Variants in MLLT3 observed in about 807,000 individuals in gnomAD.
MLLT3 encodes the protein protein AF-9.
A neutral mutation model predicts 53.2 loss-of-function variants in MLLT3; 4 were observed. That is an observed-to-expected ratio of 0.08 (90% CI 0.04 to 0.17). The LOEUF (loss-of-function observed/expected upper bound fraction) is 0.17. MLLT3 is among the 10% of genes least tolerant of loss of function. The probability of loss-of-function intolerance (pLI) is 1.00; values close to 1 mark genes in which losing one functional copy is unlikely to be tolerated. For synonymous variants in MLLT3, 283 were observed against 230.6 expected (o/e 1.23, Z -2.06); for missense variants, 569 against 684.0 (o/e 0.83, Z 1.87).
At chr9:20,565,987 T>G (rs1234211373) in intron 2 of MLLT3, among the ~76,000 whole-genome samples, 1 of 112,358 alleles carries the variant, frequency 8.9e-6, no homozygotes, top group Non-Finnish European at 1.8e-5. Flanking sequence ...TATATATTTA[T>G]TTATATATTT....
chr9:20,601,649 ATTGAGT>A (rs1820423660), intron 2 of MLLT3, among the ~76,000 whole-genome samples: 5 of 152,244 alleles, frequency 3.3e-5, no homozygotes, highest in Admixed American at 3.3e-4. Flanking sequence ...TGAGTACAAT[ATTGAGT>A]GTCCTGAAAG....
At chr9:20,374,508 G>C (rs1821702299) in intron 5 of MLLT3, among the ~76,000 whole-genome samples, 1 of 152,116 alleles carries the variant, frequency 6.6e-6, no homozygotes, top group African/African-American at 2.4e-5. Context: ...CCAATAAAAG[G>C]TAAGGCCAAA....
rs1820818088 is a variant in MLLT3, at chr9:20,344,556, A to G, written c.*1887T>C. ...AGTGGACAATACAACAAATGCTTCA[A>G]GTACGGTTCATGCCAATCGTCATTA... is the stretch of plus-strand genomic sequence containing the variant. On this transcript the variant is annotated 3_prime_UTR_variant, in exon 11 of 11. Coordinates refer to ENST00000380338, the MANE Select transcript of MLLT3 (RefSeq NM_004529.4). 1.4e-5 allele frequency: 3 copies of G among 215,854 alleles called. No individual in the cohort carries two copies. In the East Asian group the frequency reaches 2.1e-4, roughly 15 times the overall value. The allele number at this position is 215,854 out of a possible 1,614,324, so 13.4% of individuals were successfully genotyped here.
chr9:20,496,353 C>T (rs1825079639), intron 2 of MLLT3, among the ~76,000 whole-genome samples: 1 of 152,126 alleles, frequency 6.6e-6, no homozygotes, highest in African/African-American at 2.4e-5. Context: ...ACAGGGGATG[C>T]AGTCTCCCCA....
Position 20,622,156 on chromosome 9 carries a change from G to C in MLLT3, c.12+89C>G, listed in dbSNP as rs575873911. 5.0e-6 allele frequency: 7 copies of C among 1,406,620 alleles called. No homozygotes were observed. In the African/African-American group the frequency reaches 7.1e-5, roughly 14 times the overall value. The allele number at this position is 1,406,620 out of a possible 1,614,324, so 87.1% of individuals were successfully genotyped here. A position where few individuals can be genotyped will look rare whatever the true frequency, so the allele number is the denominator to read the frequency against. On this transcript the variant is annotated intron_variant, in intron 1 of 10. Transcript: ENST00000380338. ...CCAACCTTTCTCTAATTGGAACCGC[G>C]GAGCGCTGGCGCTGTCTGGGCTGCG...
intron 4 of MLLT3, among the ~76,000 whole-genome samples, chr9:20,428,769 G>A (rs1426982818): frequency 6.6e-6 from 1 of 151,916 alleles, no homozygotes; most frequent in Non-Finnish European, 1.5e-5. Context: ...ACAAAGGAGA[G>A]AAAGCGTAAA....
In MLLT3 at chr9:20,621,939, G is replaced by C. The variant is rs1009121599; in HGVS notation, c.12+306C>G. On this transcript the variant is annotated intron_variant, in intron 1 of 10. Coordinates refer to ENST00000380338, the MANE Select transcript of MLLT3 (RefSeq NM_004529.4). This position sits in a 1 kb window ranked among gnomAD's most constrained non-coding sequence, Gnocchi z 7.0. ...TGTGTGTGAGTGCGCGCGTGTGAGC[G>C]AGAGGGAGTGTGTGAGTGCGCTTCT... The C allele has an allele frequency of 1.4e-6, 2 of 1,388,424 alleles. No homozygotes were observed. Among genetic ancestry groups the C allele is most frequent in the Admixed American group, 3.4e-5 (1 of 29,124 alleles). The allele number at this position is 1,388,424 out of a possible 1,614,324, so 86.0% of individuals were successfully genotyped here.
intron 4 of MLLT3, among the ~76,000 whole-genome samples, chr9:20,430,262 G>C (rs966600957): frequency 3.9e-5 from 6 of 152,092 alleles, no homozygotes; most frequent in African/African-American, 1.2e-4. Flanking sequence ...CAGATTCAAT[G>C]TAATTTCAAT....
intron 2 of MLLT3, among the ~76,000 whole-genome samples, chr9:20,569,711 A>T (rs149258893): frequency 6.6e-6 from 1 of 152,168 alleles, no homozygotes; most frequent in African/African-American, 2.4e-5. Flanking sequence ...TGAAGAGACC[A>T]TTCCAAATCC....
chr9:20,422,661 T>A (rs141948118), intron 4 of MLLT3, among the ~76,000 whole-genome samples: 1 of 152,326 alleles, frequency 6.6e-6, no homozygotes, highest in East Asian at 1.9e-4. Context: ...TACCTGACTA[T>A]GAATTCTGAC....
intron 5 of MLLT3, among the ~76,000 whole-genome samples, chr9:20,397,447 C>T (rs75580446): frequency 0.013 from 1,939 of 152,058 alleles, 31 homozygotes; most frequent in African/African-American, 0.04. Context: ...GCTTTTCAGG[C>T]GATTGGAGAG....
chr9:20,563,264 C>T (rs1041632920), intron 2 of MLLT3, among the ~76,000 whole-genome samples: 1 of 151,244 alleles, frequency 6.6e-6, no homozygotes, highest in African/African-American at 2.4e-5. Context: ...AATGGGTTTA[C>T]CTGGAATCTG....
intron 2 of MLLT3, among the ~76,000 whole-genome samples, chr9:20,588,594 C>T (rs2131183145): frequency 6.6e-6 from 1 of 152,220 alleles, no homozygotes; most frequent in East Asian, 1.9e-4. Context: ...ATTTTATTCT[C>T]TTTGAAGCAA....
At chr9:20,452,529 T>C (rs1369779285) in intron 3 of MLLT3, among the ~76,000 whole-genome samples, 1 of 152,030 alleles carries the variant, frequency 6.6e-6, no homozygotes, top group Non-Finnish European at 1.5e-5. Flanking sequence ...AATAACAATG[T>C]GAGAAGGGAC....
At chr9:20,348,563 C>G (rs1311157917) in intron 10 of MLLT3, among the ~76,000 whole-genome samples, 1 of 152,134 alleles carries the variant, frequency 6.6e-6, no homozygotes, top group Non-Finnish European at 1.5e-5. Context: ...CTATCTCGAC[C>G]ACGGATTACT....
At chr9:20,537,417 T>C (rs1038958481) in intron 2 of MLLT3, among the ~76,000 whole-genome samples, 2 of 152,250 alleles carry the variant, frequency 1.3e-5, no homozygotes, top group Non-Finnish European at 2.9e-5. Flanking sequence ...GGCTTTCTTA[T>C]CTGAAGAATG....
chr9:20,436,394 G>A (rs1336916554), intron 4 of MLLT3, among the ~76,000 whole-genome samples: 2 of 152,140 alleles, frequency 1.3e-5, no homozygotes, highest in East Asian at 1.9e-4. Flanking sequence ...TCAGAAGCAA[G>A]AGAAATACAG....
Position 20,588,167 on chromosome 9 carries a change from T to C in MLLT3, c.193+32487A>G, listed in dbSNP as rs1391059648. 2.6e-5 allele frequency among the ~76,000 whole-genome samples: 4 copies of C among 152,206 alleles called. 1 individual carries two copies. Among genetic ancestry groups the C allele is most frequent in the South Asian group, 4.2e-4 (2 of 4,816 alleles). ...AGATAGTTGTAGATATGCGGCGTTATTTCTGAGGGCTCTGTTCTGTTCCAT... is the reference window on the plus strand; with the variant it reads ...AGATAGTTGTAGATATGCGGCGTTACTTCTGAGGGCTCTGTTCTGTTCCAT... On this transcript the variant is annotated intron_variant, in intron 2 of 10. Coordinates refer to ENST00000380338, the MANE Select transcript of MLLT3 (RefSeq NM_004529.4).
At chr9:20,410,660 A>T (rs1231473060) in intron 5 of MLLT3, 1 of 152,132 alleles carries the variant, frequency 6.6e-6, no homozygotes, top group East Asian at 1.9e-4. Context: ...CATACAAAGG[A>T]TATGAAAATC....
Sources: allele counts gnomAD v4.1 joint callset (sites outside exome capture counted in the v4.1 genomes callset), GRCh38; gene constraint gnomAD v4.1.1; non-coding constraint Gnocchi (gnomAD v3.1); transcripts MANE v1.5; gene names NCBI Gene and HGNC (gene_info 2026-07-23, HGNC 2026-07-21).